TMEM232: variants seen among roughly 807,000 people sequenced by gnomAD.
TMEM232 encodes the protein transmembrane protein 232.
In TMEM232, 80 loss-of-function variants were observed where a neutral mutation model predicts 78.8. The observed-to-expected ratio is 1.01, with a 90% CI of 0.85 to 1.22. TMEM232 has a LOEUF of 1.22. Ranked by LOEUF, TMEM232 falls within the 50% of genes most tolerant of loss-of-function variation. The probability of loss-of-function intolerance (pLI) is 0.00; values close to 1 mark genes in which losing one functional copy is unlikely to be tolerated. For missense variants in TMEM232, 881 were observed against 742.2 expected (o/e 1.19, Z -2.17); for synonymous variants, 297 against 254.3 (o/e 1.17, Z -1.60).
At chr5:110,617,336 A>G (rs1783055217) in intron 8 of TMEM232, among the ~76,000 whole-genome samples, 1 of 152,144 alleles carries the variant, frequency 6.6e-6, no homozygotes, top group African/African-American at 2.4e-5. Context: ...AGACAGGAGG[A>G]ATGAGTTCTA....
upstream of TMEM232, among the ~76,000 whole-genome samples, chr5:110,731,106 T>C (rs188943871): frequency 5.2e-4 from 79 of 152,292 alleles, 2 homozygotes; most frequent in Admixed American, 4.3e-3. Flanking sequence ...ACAGGGCCCA[T>C]GCAAGTCTGA....
intron 4 of TMEM232, among the ~76,000 whole-genome samples, chr5:110,639,927 C>A (rs1359944505): frequency 6.6e-6 from 1 of 152,214 alleles, no homozygotes; most frequent in Non-Finnish European, 1.5e-5. Context: ...CTGCTCACAG[C>A]CTGTTGTGCG....
downstream of TMEM232, among the ~76,000 whole-genome samples, chr5:110,416,508 A>G (rs2112591544): frequency 6.6e-6 from 1 of 152,352 alleles, no homozygotes; most frequent in African/African-American, 2.4e-5. Context: ...ACACAAAGTG[A>G]AAACTTAGTA....
chr5:110,692,851 C>T (rs181964209), intron 1 of TMEM232, among the ~76,000 whole-genome samples: 1 of 152,332 alleles, frequency 6.6e-6, no homozygotes, highest in Non-Finnish European at 1.5e-5. Context: ...GCTGGCCTGC[C>T]TGCCTCTGTA....
At chr5:110,625,141 C>T (rs1274399660) in intron 7 of TMEM232, 126 bp downstream of exon 7, 4 of 1,033,010 alleles carry the variant, frequency 3.9e-6, no homozygotes, top group Non-Finnish European at 5.2e-6. Context: ...GCTGTTCACC[C>T]CTCCTCCACA....
rs78303357 is a variant in TMEM232, at chr5:110,551,205, T to C, written c.1455+17242A>G. Reference sequence around the variant, plus strand: ...AAGGCAGAGTGTAAAGTCTAACTTTTTGTTTGTTTGTTTGTTTGTTTTTGT... The same window carrying C: ...AAGGCAGAGTGTAAAGTCTAACTTTCTGTTTGTTTGTTTGTTTGTTTTTGT... On this transcript the variant is annotated intron_variant, in intron 11 of 13. Transcript: ENST00000455884. Among the ~76,000 whole-genome samples the C allele has an allele frequency of 1.8e-4, 28 of 151,546 alleles. No individual in the cohort carries two copies. The East Asian group carries it at 5.0e-3, about 27-fold the overall frequency.
chr5:110,652,661 C>T (rs1172443843), intron 2 of TMEM232, among the ~76,000 whole-genome samples: 8 of 152,100 alleles, frequency 5.3e-5, no homozygotes, highest in Non-Finnish European at 1.2e-4. Context: ...ATAAACATAG[C>T]TATTTTAACC....
At chr5:110,428,726 G>A (rs1006859391) in intron 12 of TMEM232, among the ~76,000 whole-genome samples, 1 of 150,618 alleles carries the variant, frequency 6.6e-6, no homozygotes, top group South Asian at 2.1e-4. Flanking sequence ...CTCTTTGGCT[G>A]CTTAATTTGT....
chr5:110,504,128 A>C (rs1446244542), intron 12 of TMEM232, among the ~76,000 whole-genome samples: 1 of 152,184 alleles, frequency 6.6e-6, no homozygotes, highest in Non-Finnish European at 1.5e-5. Flanking sequence ...AAATATAATA[A>C]TCACTTTAGA....
intron 1 of TMEM232, among the ~76,000 whole-genome samples, chr5:110,689,595 G>C (rs899428527): frequency 3.9e-5 from 6 of 152,046 alleles, no homozygotes; most frequent in African/African-American, 1.4e-4. Flanking sequence ...TCCCCATCAA[G>C]CTACCATTGA....
intron 2 of TMEM232, among the ~76,000 whole-genome samples, chr5:110,661,971 T>C (rs1580556928): frequency 6.6e-6 from 1 of 152,312 alleles, no homozygotes; most frequent in East Asian, 1.9e-4. Context: ...TTTAGATCTT[T>C]TGCCCATATT....
intron 1 of TMEM232, among the ~76,000 whole-genome samples, chr5:110,672,113 C>G (rs1306854125): frequency 6.6e-6 from 1 of 152,092 alleles, no homozygotes; most frequent in Non-Finnish European, 1.5e-5. Flanking sequence ...GCAAATTGAC[C>G]TGAAGCTTTT....
intron 1 of TMEM232, among the ~76,000 whole-genome samples, chr5:110,701,432 T>C (rs1795429523): frequency 6.6e-6 from 1 of 151,960 alleles, no homozygotes; most frequent in South Asian, 2.1e-4. Context: ...ATTTCAGTCT[T>C]TGTAATAGCC....
chr5:110,597,888 T>A (rs1286863407), intron 10 of TMEM232, among the ~76,000 whole-genome samples: 1 of 152,188 alleles, frequency 6.6e-6, no homozygotes, highest in Non-Finnish European at 1.5e-5. Context: ...GAGTTAAATG[T>A]TAGACCTAAA....
intron 1 of TMEM232, among the ~76,000 whole-genome samples, chr5:110,704,735 C>T (rs1795760819): frequency 6.6e-6 from 1 of 151,998 alleles, no homozygotes; most frequent in Admixed American, 6.6e-5. Context: ...CTACCAGGGC[C>T]CCCGTTTAAG....
intron 1 of TMEM232, among the ~76,000 whole-genome samples, chr5:110,676,815 G>C (rs1792090049): frequency 6.6e-6 from 1 of 151,474 alleles, no homozygotes. Flanking sequence ...CTGGAGTGCA[G>C]TGGAGCAATT....
chr5:110,717,181 C>T (rs1422688553), intron 1 of TMEM232, among the ~76,000 whole-genome samples: 1 of 151,442 alleles, frequency 6.6e-6, no homozygotes, highest in Non-Finnish European at 1.5e-5. Context: ...ATTTGTTACC[C>T]CACCCCCCGC....
intron 12 of TMEM232, among the ~76,000 whole-genome samples, chr5:110,455,338 A>G (rs1373621937): frequency 6.6e-6 from 1 of 152,190 alleles, no homozygotes; most frequent in Non-Finnish European, 1.5e-5. Context: ...ATGTTACAGG[A>G]AAAACCTAGT....
chr5:110,588,620 T>C (rs1779133542), intron 10 of TMEM232, among the ~76,000 whole-genome samples: 2 of 152,086 alleles, frequency 1.3e-5, no homozygotes, highest in Non-Finnish European at 2.9e-5. Flanking sequence ...ATCGATTTAT[T>C]TTGGTTGCCT....
Sources: gnomAD v4.1 joint callset for allele counts (sites outside exome capture counted in the v4.1 genomes callset) on GRCh38, gnomAD v4.1.1 for gene constraint, MANE v1.5 for transcripts, NCBI Gene and HGNC (gene_info 2026-07-23, HGNC 2026-07-21) for gene names.